The following CACNG6 variants were observed in gnomAD, a reference collection of about 807,000 sequenced individuals.
CACNG6 encodes the protein calcium voltage-gated channel auxiliary subunit gamma 6, also known as voltage-dependent calcium channel gamma-6 subunit.
CACNG6 carries 21 observed loss-of-function variants against 23.9 expected under a neutral mutation model. The observed-to-expected ratio is 0.88, with a 90% CI of 0.62 to 1.26. CACNG6 has a LOEUF of 1.26. Among genes scored for constraint, CACNG6 ranks in the 50% most tolerant of loss-of-function variants. CACNG6 has a pLI of 0.00. For missense variants in CACNG6, 340 were observed against 352.9 expected, an observed-to-expected ratio of 0.96 and a Z score of 0.29; for synonymous variants, 182 against 168.9, an observed-to-expected ratio of 1.08 and a Z score of -0.60.
chr19:54,003,186 G>A (rs1344420244), intron 3 of CACNG6, among the ~76,000 whole-genome samples: 2 of 152,058 alleles, frequency 1.3e-5, no homozygotes, highest in Non-Finnish European at 2.9e-5. Flanking sequence ...GGACATCTAA[G>A]ACAGGCTCAG....
In CACNG6 at chr19:54,012,185, C is replaced by A. The variant is rs370862252; in HGVS notation, c.779C>A (p.Thr260Asn). 15 of 1,343,056 alleles carry A rather than the reference C, an allele frequency of 1.1e-5. No individual in the cohort carries two copies. Among genetic ancestry groups the A allele is most frequent in the Non-Finnish European group, 1.5e-5 (15 of 1,008,622 alleles). 83.2% of individuals were successfully genotyped at this position (1,343,056 alleles called of 1,614,324 possible). The change falls in exon 4 of 4, where the codon ACC (threonine) becomes AAC (asparagine). Residue 260 changes from threonine to asparagine, a missense_variant. By Grantham distance (65) the Thr-to-Asn change is moderately conservative. Transcript: ENST00000252729. ...SLCPKRGHRA[T>N] ...TGTCCCAAGCGGGGGCACCGGGCCA[C>A]CTAGAGCCACGCGTGAGACTTCTCT...
intron 3 of CACNG6, among the ~76,000 whole-genome samples, chr19:54,004,708 G>A (rs1253727113): frequency 2.0e-5 from 3 of 151,934 alleles, no homozygotes; most frequent in African/African-American, 4.8e-5. Context: ...TTCCCCAGAC[G>A]CTCTAAGCTC....
At chr19:53,997,532 G>A (rs953947283) in intron 1 of CACNG6, among the ~76,000 whole-genome samples, 1 of 152,096 alleles carries the variant, frequency 6.6e-6, no homozygotes, top group Non-Finnish European at 1.5e-5. Flanking sequence ...AAAAGACTAG[G>A]AGTACCCGTT....
In CACNG6 at chr19:54,004,334, TTTGTGTGTGTGTGTG is replaced by T. The variant is rs1356138844; in HGVS notation, c.544+4565_544+4579del. On this transcript the variant is annotated intron_variant, in intron 3 of 3. Transcript: ENST00000252729. ...CACCACGCCTGGTTAATTTTGTATT[TTTGTGTGTGTGTGTG>T]TGTGTGTGTGTGTGTGTGTGTGTGT... Among the ~76,000 whole-genome samples, 1,090 of 126,536 alleles carry T rather than the reference TTTGTGTGTGTGTGTG, an allele frequency of 8.6e-3. 25 individuals carry two copies. Among genetic ancestry groups the T allele is most frequent in the African/African-American group, 0.03 (875 of 29,330 alleles). 83.0% of individuals were successfully genotyped at this position (126,536 alleles called of 152,430 possible). A position where few individuals can be genotyped will look rare whatever the true frequency, so the allele number is the denominator to read the frequency against.
chr19:53,991,595 G>A (rs868675137), upstream of CACNG6, among the ~76,000 whole-genome samples: 164 of 141,892 alleles, frequency 1.2e-3, no homozygotes, highest in Middle Eastern at 7.6e-3. Flanking sequence ...TGGAGGGTGG[G>A]GGGTGGGCGG....
chr19:53,995,013 C>T (rs1202034619), intron 1 of CACNG6, among the ~76,000 whole-genome samples: 2 of 151,684 alleles, frequency 1.3e-5, no homozygotes, highest in African/African-American at 2.4e-5. Flanking sequence ...CATAGCTAGC[C>T]TATGAGTCGT....
At chr19:54,004,931 G>T (rs866478970) in intron 3 of CACNG6, among the ~76,000 whole-genome samples, 1 of 148,472 alleles carries the variant, frequency 6.7e-6, no homozygotes, top group Non-Finnish European at 1.5e-5. Flanking sequence ...AAATAAAAGA[G>T]GGGGGCGCGG....
rs780619316 is a variant in CACNG6, at chr19:53,992,950, G to A, written c.73G>A (p.Gly25Arg). 3.6e-6 allele frequency: 5 copies of A among 1,404,234 alleles called. No homozygotes were observed. Among genetic ancestry groups the A allele is most frequent in the Non-Finnish European group, 3.7e-6 (4 of 1,082,730 alleles). 87.0% of individuals were successfully genotyped at this position (1,404,234 alleles called of 1,614,324 possible). The change falls in exon 1 of 4, where the codon GGG (glycine) becomes AGG (arginine). Residue 25 changes from glycine to arginine, a missense_variant. Coordinates refer to ENST00000252729, the MANE Select transcript of CACNG6 (RefSeq NM_145814.2). This position sits in a 1 kb window ranked among gnomAD's most constrained non-coding sequence, Gnocchi z 4.1. Reference protein sequence around the residue: ...RGAAGRRRAHGQGRSGLTPER... With the variant: ...RGAAGRRRAHRQGRSGLTPER... Reference sequence around the variant, plus strand: ...GGCCGCGGGCCGGCGGCGGGCGCACGGGCAGGGCAGGTCGGGGCTGACGCC... The same window carrying A: ...GGCCGCGGGCCGGCGGCGGGCGCACAGGCAGGGCAGGTCGGGGCTGACGCC...
At chr19:54,010,936 AG>A (rs34415006) in intron 3 of CACNG6, among the ~76,000 whole-genome samples, 62,622 of 151,456 alleles carry the variant, frequency 0.41, 13,291 homozygotes, top group East Asian at 0.52. Flanking sequence ...GGGAAACAGA[AG>A]GATGGTTTGA....
Position 54,004,165 on chromosome 19 carries a change from C to CT in CACNG6, c.544+4406dup, listed in dbSNP as rs907068327. 5.5e-4 allele frequency among the ~76,000 whole-genome samples: 81 copies of CT among 146,486 alleles called. 1 individual carries two copies. Among genetic ancestry groups the CT allele is most frequent in the African/African-American group, 5.2e-4 (21 of 40,216 alleles). Reference sequence around the variant, plus strand: ...AGCCACCGCACCCGGCCAAGTGATACTTTTTTTTTTTTGAGACGGAGTTTC... The same window carrying CT: ...AGCCACCGCACCCGGCCAAGTGATACTTTTTTTTTTTTTGAGACGGAGTTTC... On this transcript the variant is annotated intron_variant, in intron 3 of 3. Coordinates refer to ENST00000252729, the MANE Select transcript of CACNG6 (RefSeq NM_145814.2).
chr19:53,999,731 G>A lies in CACNG6; in HGVS notation c.504G>A (p.Glu168=). ...TCATGGTGCTCAGTAAAGGTGCAGAGTTCCTGCTCCGAGTTGGAGCCGTCT... is the reference window on the plus strand; with the variant it reads ...TCATGGTGCTCAGTAAAGGTGCAGAATTCCTGCTCCGAGTTGGAGCCGTCT... ...CIIMVLSKGA[E]FLLRVGAVCF... The change falls in exon 3 of 4, where the codon GAG becomes GAA. Residue 168 remains glutamate (E), a synonymous_variant. Coordinates refer to ENST00000252729, the MANE Select transcript of CACNG6 (RefSeq NM_145814.2). 2 of 1,614,124 alleles carry A rather than the reference G, an allele frequency of 1.2e-6. No individual in the cohort carries two copies. Among genetic ancestry groups the A allele is most frequent in the Non-Finnish European group, 1.7e-6 (2 of 1,180,026 alleles).
At chr19:53,996,350 C>G (rs2069520421) in intron 1 of CACNG6, among the ~76,000 whole-genome samples, 1 of 151,750 alleles carries the variant, frequency 6.6e-6, no homozygotes, top group Non-Finnish European at 1.5e-5. Context: ...TCCTTCTCTC[C>G]CTTTCTTCCT....
chr19:54,012,125 T>C lies in CACNG6; in HGVS notation c.719T>C (p.Leu240Pro). 6.4e-7 allele frequency: 1 copy of C among 1,552,000 alleles called. No homozygotes were observed. The highest frequency in any genetic ancestry group is 8.7e-7 in the Non-Finnish European group (1 of 1,150,254). ...CTGTTGGGGGCCGGCTGCTTTCTGC[T>C]GCTCACACTGCCTTCCTGGCCCTGG... ...ILLLGAGCFL[L>P]LTLPSWPWGS... is the part of the protein sequence containing the mutation. Residue 240 changes from leucine (L) to proline (P), a missense_variant, in exon 4 of 4, where the codon CTG becomes CCG. Physicochemically the swap from Leu to Pro is moderately conservative, Grantham distance 98 (BLOSUM62 -3). Coordinates refer to ENST00000252729, the MANE Select transcript of CACNG6 (RefSeq NM_145814.2).
At chr19:54,011,227 T>TATACACACACACACAC (rs1442985544) in intron 3 of CACNG6, among the ~76,000 whole-genome samples, 7 of 95,292 alleles carry the variant, frequency 7.3e-5, no homozygotes, top group African/African-American at 3.5e-4. Context: ...TATATATATA[T>TATACACACACACACAC]ACACACACAC....
intron 3 of CACNG6, among the ~76,000 whole-genome samples, chr19:54,009,503 G>A (rs1256772005): frequency 6.6e-6 from 1 of 151,790 alleles, no homozygotes; most frequent in Non-Finnish European, 1.5e-5. Flanking sequence ...TGTAGTCGCA[G>A]GTACTCAGGA....
chr19:54,011,227 T>TATACACACACACACACACAC (rs1442985544), intron 3 of CACNG6, among the ~76,000 whole-genome samples: 74 of 95,238 alleles, frequency 7.8e-4, no homozygotes, highest in Middle Eastern at 4.8e-3. Context: ...TATATATATA[T>TATACACACACACACACACAC]ACACACACAC....
intron 1 of CACNG6, among the ~76,000 whole-genome samples, chr19:53,993,962 C>T (rs1467262391): frequency 6.6e-6 from 1 of 152,066 alleles, no homozygotes; most frequent in African/African-American, 2.4e-5. Context: ...CCTGTGATTC[C>T]AGACACAGCT....
In CACNG6 at chr19:54,012,207, C is replaced by A; in HGVS notation, c.*18C>A. ...CCACCTAGAGCCACGCGTGAGACTT[C>A]TCTAAGCAACCACCGAGCCCTTTGA... On this transcript the variant is annotated 3_prime_UTR_variant, in exon 4 of 4. Coordinates refer to ENST00000252729, the MANE Select transcript of CACNG6 (RefSeq NM_145814.2). The A allele has an allele frequency of 8.8e-7, 1 of 1,133,050 alleles. No homozygotes were observed. Among genetic ancestry groups the A allele is most frequent in the Non-Finnish European group, 1.2e-6 (1 of 828,908 alleles). The allele number at this position is 1,133,050 out of a possible 1,614,324, so 70.2% of individuals were successfully genotyped here.
At position 54,010,750 on chromosome 19, in the gene CACNG6, AAT is replaced by A. The variant is rs2069697715; in HGVS notation, c.545-1200_545-1199del. On this transcript the variant is annotated intron_variant, in intron 3 of 3. Coordinates refer to ENST00000252729, the MANE Select transcript of CACNG6 (RefSeq NM_145814.2). The stretch of plus-strand genomic sequence containing the variant: ...CCACCACACCTGGCTAATTTTTTAA[AAT>A]TTTTTTTTTGTAGAGATGGAGTCTT... Among the ~76,000 whole-genome samples the A allele has an allele frequency of 2.6e-5, 4 of 151,318 alleles. No individual in the cohort carries two copies. In the East Asian group the frequency reaches 7.9e-4, roughly 30 times the overall value.
Sources: gnomAD v4.1 joint callset for allele counts (sites outside exome capture counted in the v4.1 genomes callset) on GRCh38, gnomAD v4.1.1 for gene constraint, Gnocchi (gnomAD v3.1) non-coding constraint, MANE v1.5 for transcripts, NCBI Gene and HGNC (gene_info 2026-07-23, HGNC 2026-07-21) for gene names.